PTGFR: variants seen among roughly 807,000 people sequenced by gnomAD.
PTGFR encodes the protein prostaglandin F receptor.
PTGFR carries 15 observed loss-of-function variants against 26.2 expected under a neutral mutation model. The observed-to-expected ratio is 0.57, with a 90% CI of 0.38 to 0.88. The LOEUF (loss-of-function observed/expected upper bound fraction) is 0.88. Among genes scored for constraint, PTGFR ranks in the 40% least tolerant of loss-of-function variants. The probability of loss-of-function intolerance (pLI) is 0.00; values close to 1 mark genes in which losing one functional copy is unlikely to be tolerated. For missense variants in PTGFR, 369 were observed against 427.2 expected (o/e 0.86, Z 1.20); for synonymous variants, 165 against 151.1 (o/e 1.09, Z -0.68).
chr1:78,518,567 GAC>G (rs57447321), intron 2 of PTGFR, among the ~76,000 whole-genome samples: 4,209 of 137,782 alleles, frequency 0.031, 65 homozygotes, highest in East Asian at 0.037. Flanking sequence ...CAGTATAAAA[GAC>G]ACACACACAC....
intron 2 of PTGFR, among the ~76,000 whole-genome samples, chr1:78,505,120 CTTTTTTT>C (rs11383272): frequency 7.9e-6 from 1 of 127,216 alleles, no homozygotes. Context: ...TTTATTCTAA[CTTTTTTT>C]TTTTTTTTTT....
intron 1 of PTGFR, 111 bp from the exon 2 acceptor site, chr1:78,492,561 A>G (rs1329969663): frequency 1.7e-6 from 1 of 578,254 alleles, no homozygotes; most frequent in African/African-American, 1.9e-5. Flanking sequence ...AACCTTGCTT[A>G]TGATAGGCCA....
At chr1:78,525,853 A>G (rs1444714010) in intron 2 of PTGFR, among the ~76,000 whole-genome samples, 1 of 152,124 alleles carries the variant, frequency 6.6e-6, no homozygotes, top group Non-Finnish European at 1.5e-5. Flanking sequence ...GCTCCCTTCC[A>G]GGAACCAGGG....
At chr1:78,510,674 G>A (rs61769135) in intron 2 of PTGFR, among the ~76,000 whole-genome samples, 8,024 of 151,962 alleles carry the variant, frequency 0.053, 255 homozygotes, top group African/African-American at 0.088. Context: ...TATCCTACTC[G>A]TACTGCAAAA....
chr1:78,512,319 T>C (rs1266174569), intron 2 of PTGFR, among the ~76,000 whole-genome samples: 3 of 152,200 alleles, frequency 2.0e-5, no homozygotes, highest in East Asian at 3.8e-4. Flanking sequence ...TGAGACTGGG[T>C]AATTTTTAAA....
intron 2 of PTGFR, among the ~76,000 whole-genome samples, chr1:78,513,900 T>C (rs1415761135): frequency 6.6e-6 from 1 of 152,176 alleles, no homozygotes; most frequent in Non-Finnish European, 1.5e-5. Flanking sequence ...TGTAAGCCTA[T>C]GGCCTTAGCA....
At chr1:78,533,061 C>T (rs1650562074) in intron 2 of PTGFR, among the ~76,000 whole-genome samples, 1 of 151,962 alleles carries the variant, frequency 6.6e-6, no homozygotes, top group African/African-American at 2.4e-5. Context: ...TTATTTCTGT[C>T]CAGTGTATTT....
At position 78,536,437 on chromosome 1, in the gene PTGFR, A is replaced by T; in HGVS notation, c.830A>T (p.Asn277Ile). 1 of 1,612,510 alleles carries T rather than the reference A, an allele frequency of 6.2e-7. No individual in the cohort carries two copies. Among genetic ancestry groups the T allele is most frequent in the Middle Eastern group, 1.7e-4 (1 of 6,050 alleles). The change falls in exon 3 of 3, where the codon AAT becomes ATT. Residue 277 changes from asparagine (N) to isoleucine (I), a missense_variant. Transcript: ENST00000370757. ...ATGGCCAACATTGGAATAAATGGAA[A>T]TCATTCTCTGGAAACCTGTGAAACA... ...VTMANIGING[N>I]HSLETCETTL...
intron 2 of PTGFR, among the ~76,000 whole-genome samples, chr1:78,524,906 A>ATTTTTTTTTTTTTTTTTTTTT (rs35641651): frequency 2.8e-5 from 2 of 70,524 alleles, no homozygotes; most frequent in African/African-American, 1.0e-4. Flanking sequence ...CAAATGCAAG[A>ATTTTTTTTTTTTTTTTTTTTT]TTTTTTTTTT....
chr1:78,511,119 T>C (rs1166881735), intron 2 of PTGFR, among the ~76,000 whole-genome samples: 1 of 152,170 alleles, frequency 6.6e-6, no homozygotes, highest in Non-Finnish European at 1.5e-5. Flanking sequence ...TGGTGCAATC[T>C]GCAAGTGGCT....
At chr1:78,505,255 TG>T (rs1440794902) in intron 2 of PTGFR, among the ~76,000 whole-genome samples, 3 of 151,764 alleles carry the variant, frequency 2.0e-5, no homozygotes, top group Non-Finnish European at 4.4e-5. Flanking sequence ...CCTGAGTAGC[TG>T]GGATTACAGG....
At chr1:78,532,270 T>C (rs572029337) in intron 2 of PTGFR, 9 of 376,690 alleles carry the variant, frequency 2.4e-5, no homozygotes, top group Non-Finnish European at 4.7e-5. Flanking sequence ...AGAGGCAACA[T>C]GAAAGTGGAT....
At chr1:78,533,565 C>T (rs546716013) in intron 2 of PTGFR, among the ~76,000 whole-genome samples, 25 of 152,258 alleles carry the variant, frequency 1.6e-4, no homozygotes, top group South Asian at 1.0e-3. Context: ...TGGGTCTTGG[C>T]GGTAGTGCCA....
chr1:78,493,657 C>T (rs1649473147), intron 2 of PTGFR, 116 bp downstream of exon 2: 2 of 999,874 alleles, frequency 2.0e-6, no homozygotes, highest in East Asian at 5.3e-5. Context: ...AAATTTATTT[C>T]AGCACTCAGC....
rs114699998 is a variant in PTGFR at position 78,504,189 on chromosome 1, A to G, written c.798+10648A>G. Reference sequence around the variant, plus strand: ...AAAAAATATAATATTTTCTTTAGCTATAAAATTTCATTGTAAAAAATTACA... The same window carrying G: ...AAAAAATATAATATTTTCTTTAGCTGTAAAATTTCATTGTAAAAAATTACA... On this transcript the variant is annotated intron_variant, in intron 2 of 2. Transcript: ENST00000370757. Among the ~76,000 whole-genome samples, 1,023 of 152,292 alleles carry G rather than the reference A, an allele frequency of 6.7e-3. 13 individuals are homozygous for G. Among genetic ancestry groups the G allele is most frequent in the African/African-American group, 0.023 (963 of 41,580 alleles).
chr1:78,528,509 G>C (rs535725664), intron 2 of PTGFR, among the ~76,000 whole-genome samples: 144 of 152,054 alleles, frequency 9.5e-4, no homozygotes, highest in Non-Finnish European at 1.8e-3. Flanking sequence ...GGGTTAAATA[G>C]ACATTTATTA....
chr1:78,526,153 A>G (rs1034946930), intron 2 of PTGFR, among the ~76,000 whole-genome samples: 13 of 152,114 alleles, frequency 8.5e-5, no homozygotes, highest in African/African-American at 3.1e-4. Flanking sequence ...CACAATTTAT[A>G]TTATTCACTG....
chr1:78,506,918 T>C (rs1048786826), intron 2 of PTGFR, among the ~76,000 whole-genome samples: 1 of 152,186 alleles, frequency 6.6e-6, no homozygotes, highest in Non-Finnish European at 1.5e-5. Context: ...CGCATTCTAT[T>C]GTATTCCTCT....
In PTGFR at chr1:78,536,715, G is replaced by A. The variant is rs1485630353; in HGVS notation, c.*28G>A. On this transcript the variant is annotated 3_prime_UTR_variant, in exon 3 of 3. Coordinates refer to ENST00000370757, the MANE Select transcript of PTGFR (RefSeq NM_000959.4). ...TAATAGGACAGTAAATCTGTGTGGG[G>A]CTAGAACAAAATTAAGACATGTTTG... 3 of 1,578,884 alleles carry A rather than the reference G, an allele frequency of 1.9e-6. No homozygotes were observed. The highest frequency in any genetic ancestry group is 2.3e-5 in the South Asian group (2 of 85,510).
Sources: gnomAD v4.1 joint callset for allele counts (sites outside exome capture counted in the v4.1 genomes callset) on GRCh38, gnomAD v4.1.1 for gene constraint, MANE v1.5 for transcripts, NCBI Gene and HGNC (gene_info 2026-07-23, HGNC 2026-07-21) for gene names.